Variants in ZNF804A observed in about 807,000 individuals in gnomAD.
ZNF804A encodes the protein zinc finger protein 804A.
ZNF804A carries 2 observed loss-of-function variants against 16.5 expected under a neutral mutation model. The observed-to-expected ratio is 0.12, with a 90% CI of 0.05 to 0.38. ZNF804A has a LOEUF of 0.38. ZNF804A is among the 10% of genes least tolerant of loss of function. The pLI is 0.99. For synonymous variants in ZNF804A, 534 were observed against 489.6 expected (o/e 1.09, Z -1.20); for missense variants, 1,473 against 1,390.7 (o/e 1.06, Z -0.94).
intron 1 of ZNF804A, among the ~76,000 whole-genome samples, chr2:184,617,198 G>C (rs757033597): frequency 6.6e-6 from 1 of 152,088 alleles, no homozygotes; most frequent in Non-Finnish European, 1.5e-5. Flanking sequence ...GGAAATGTAA[G>C]ACTATTTTGT....
At chr2:184,631,159 A>G (rs1273629305) in intron 1 of ZNF804A, among the ~76,000 whole-genome samples, 1 of 152,124 alleles carries the variant, frequency 6.6e-6, no homozygotes, top group African/African-American at 2.4e-5. Context: ...ATCAGCTTGC[A>G]AACTTTGTAC....
intron 1 of ZNF804A, among the ~76,000 whole-genome samples, chr2:184,804,719 G>T (rs1204282948): frequency 6.6e-6 from 1 of 152,152 alleles, no homozygotes; most frequent in African/African-American, 2.4e-5. Flanking sequence ...AAGCAAAGAA[G>T]GGTGAGTAGT....
intron 1 of ZNF804A, among the ~76,000 whole-genome samples, chr2:184,692,304 C>G (rs1182357639): frequency 6.6e-6 from 1 of 152,136 alleles, no homozygotes; most frequent in Admixed American, 6.5e-5. Flanking sequence ...GTGAATGTGT[C>G]TGGCCCTAGG....
intron 1 of ZNF804A, among the ~76,000 whole-genome samples, chr2:184,729,629 A>T (rs1559136663): frequency 6.6e-6 from 1 of 152,130 alleles, no homozygotes; most frequent in East Asian, 1.9e-4. Flanking sequence ...AAAAAAATAG[A>T]TTTATTCAGT....
intron 1 of ZNF804A, among the ~76,000 whole-genome samples, chr2:184,757,091 T>G (rs976950510): frequency 5.3e-5 from 8 of 152,104 alleles, no homozygotes; most frequent in African/African-American, 1.9e-4. Context: ...TATTAATTTA[T>G]CTTACATGAT....
chr2:184,915,275 A>T (rs1685427169), intron 2 of ZNF804A, among the ~76,000 whole-genome samples: 1 of 152,128 alleles, frequency 6.6e-6, no homozygotes, highest in African/African-American at 2.4e-5. Flanking sequence ...ATTTGCATTT[A>T]AAAAATAACA....
At chr2:184,851,972 A>T (rs1174020591) in intron 1 of ZNF804A, among the ~76,000 whole-genome samples, 1 of 151,644 alleles carries the variant, frequency 6.6e-6, no homozygotes, top group Non-Finnish European at 1.5e-5. Flanking sequence ...TCTTTGGGGC[A>T]TTCGTATGTC....
intron 1 of ZNF804A, among the ~76,000 whole-genome samples, chr2:184,728,330 A>G (rs911881567): frequency 3.5e-4 from 53 of 151,966 alleles, no homozygotes; most frequent in South Asian, 1.0e-3. Context: ...ATACACAAAA[A>G]TTAAAGCTGA....
At chr2:184,667,326 T>A (rs1692269682) in intron 1 of ZNF804A, among the ~76,000 whole-genome samples, 1 of 151,914 alleles carries the variant, frequency 6.6e-6, no homozygotes, top group African/African-American at 2.4e-5. Context: ...TTATTTCATC[T>A]CATAAACATT....
intron 1 of ZNF804A, among the ~76,000 whole-genome samples, chr2:184,618,378 A>AAGCT (rs1361754317): frequency 1.3e-5 from 2 of 152,190 alleles, no homozygotes; most frequent in East Asian, 3.8e-4. Context: ...AATTGAACAG[A>AAGCT]AGCTAGTCAA....
chr2:184,878,477 CG>C (rs1314251896), intron 2 of ZNF804A, among the ~76,000 whole-genome samples: 2 of 151,980 alleles, frequency 1.3e-5, no homozygotes, highest in Admixed American at 1.3e-4. Flanking sequence ...ATATAGAAAG[CG>C]TAAGGATTTT....
chr2:184,903,480 G>C (rs1685218049), intron 2 of ZNF804A, among the ~76,000 whole-genome samples: 1 of 152,066 alleles, frequency 6.6e-6, no homozygotes, highest in Admixed American at 6.6e-5. Context: ...GCCTAGGTGT[G>C]TAGTAGGTTA....
intron 1 of ZNF804A, among the ~76,000 whole-genome samples, chr2:184,841,883 C>G (rs535324280): frequency 6.6e-6 from 1 of 152,218 alleles, no homozygotes; most frequent in South Asian, 2.1e-4. Flanking sequence ...AACTAAGTGT[C>G]AAACTTCACC....
intron 1 of ZNF804A, among the ~76,000 whole-genome samples, chr2:184,766,011 T>C (rs927454979): frequency 1.2e-4 from 19 of 152,160 alleles, no homozygotes; most frequent in Non-Finnish European, 2.4e-4. Flanking sequence ...TAAATTATTA[T>C]TGTAGAAATG....
intron 2 of ZNF804A, among the ~76,000 whole-genome samples, chr2:184,877,730 T>G (rs1362535636): frequency 6.6e-6 from 1 of 152,058 alleles, no homozygotes; most frequent in East Asian, 1.9e-4. Context: ...AATTATAGTT[T>G]GAGGCCAAGG....
At chr2:184,778,776 T>G (rs1385633489) in intron 1 of ZNF804A, among the ~76,000 whole-genome samples, 1 of 151,478 alleles carries the variant, frequency 6.6e-6, no homozygotes, top group Admixed American at 6.6e-5. Context: ...ATGTTGGAGG[T>G]ACAGAGGAAA....
intron 1 of ZNF804A, among the ~76,000 whole-genome samples, chr2:184,633,350 C>G (rs1691642772): frequency 1.3e-5 from 2 of 152,098 alleles, no homozygotes; most frequent in Admixed American, 6.6e-5. Context: ...GTAACAGATT[C>G]TTTTGGGATT....
intron 1 of ZNF804A, among the ~76,000 whole-genome samples, chr2:184,674,924 TATTA>T (rs1692397568): frequency 1.3e-5 from 2 of 151,982 alleles, no homozygotes; most frequent in South Asian, 4.1e-4. Flanking sequence ...AAAGTTTACT[TATTA>T]ATTGATGAAC....
chr2:184,875,125 CT>C (rs1696033119), intron 2 of ZNF804A, among the ~76,000 whole-genome samples: 1 of 152,118 alleles, frequency 6.6e-6, no homozygotes, highest in Non-Finnish European at 1.5e-5. Context: ...TTTTTGGATA[CT>C]TTTTAAAAAG....
Sources: gnomAD v4.1 joint callset for allele counts (sites outside exome capture counted in the v4.1 genomes callset) on GRCh38, gnomAD v4.1.1 for gene constraint, MANE v1.5 for transcripts, NCBI Gene and HGNC (gene_info 2026-07-23, HGNC 2026-07-21) for gene names.